The following TBX4 variants were observed in gnomAD, a reference collection of about 807,000 sequenced individuals.
The protein encoded by TBX4 is T-box transcription factor TBX4.
Under a neutral mutation model 54.6 loss-of-function variants are expected in TBX4, and 13 were observed. The ratio of observed to expected loss-of-function variants is 0.24; its 90% CI spans 0.15 to 0.38. The LOEUF (loss-of-function observed/expected upper bound fraction) is 0.38, where lower values mean the gene tolerates loss of function less well. Ranked by LOEUF, TBX4 falls within the 10% of genes least tolerant of loss-of-function variation. TBX4 has a pLI of 1.00. For missense variants in TBX4, 631 were observed against 728.5 expected (o/e 0.87, Z 1.54); for synonymous variants, 314 against 306.7 (o/e 1.02, Z -0.25).
In TBX4 at chr17:61,484,834, A is replaced by AACTT. The variant is rs979490383; in HGVS notation, c.*1320_*1323dup. ...CAGCTTTGCTTTCTACAAATGAATG[A>AACTT]ACTTAATAAAAATAAACGTTGGAGG... On this transcript the variant is annotated 3_prime_UTR_variant, in exon 9 of 9. Coordinates refer to ENST00000644296, the MANE Select transcript of TBX4 (RefSeq NM_001321120.2). The surrounding 1 kb of genome is among the most constrained non-coding windows in gnomAD (Gnocchi z 4.1). 6.7e-6 allele frequency: 1 copy of AACTT among 148,420 alleles called. No individual in the cohort carries two copies. The highest frequency in any genetic ancestry group is 2.4e-5 in the African/African-American group (1 of 40,878). The allele number at this position is 148,420 out of a possible 1,614,324, so 9.2% of individuals were successfully genotyped here.
rs1269373347 is a variant in TBX4 at position 61,465,195 on chromosome 17, G to A, written c.282-624G>A. On this transcript the variant is annotated intron_variant, in intron 3 of 8. Transcript: ENST00000644296. This position sits in a 1 kb window ranked among gnomAD's most constrained non-coding sequence, Gnocchi z 4.9. ...CTCAGGGTGCACAGGTCCAGGTGAG[G>A]TGTTCACAGGGAGAAGTACCCCCGA... 6.6e-6 allele frequency among the ~76,000 whole-genome samples: 1 copy of A among 152,142 alleles called. No individual in the cohort carries two copies. The highest frequency in any genetic ancestry group is 1.5e-5 in the Non-Finnish European group (1 of 68,026).
Position 61,485,084 on chromosome 17 carries a change from A to C in TBX4, c.*1568A>C, listed in dbSNP as rs2060694780. 6.6e-6 allele frequency: 1 copy of C among 152,108 alleles called. No individual in the cohort carries two copies. 9.4% of individuals were successfully genotyped at this position (152,108 alleles called of 1,614,324 possible). ...ATGGATGTTTTATTTTGCATATCGG[A>C]ACATAAAGCCATTTTACAACTGTGA... On this transcript the variant is annotated 3_prime_UTR_variant, in exon 9 of 9. Transcript: ENST00000644296. The surrounding 1 kb of genome is among the most constrained non-coding windows in gnomAD (Gnocchi z 4.6).
chr17:61,482,562 G>A (rs571283515), intron 8 of TBX4, among the ~76,000 whole-genome samples: 1 of 152,168 alleles, frequency 6.6e-6, no homozygotes, highest in Non-Finnish European at 1.5e-5. Flanking sequence ...GGAGGGCCTA[G>A]CCTGAGAATG....
Position 61,465,317 on chromosome 17 carries a change from C to T in TBX4, c.282-502C>T, listed in dbSNP as rs1271528231. ...TTAGGCCTAAGGATTTCCACAGAGG[C>T]ATGACCCAGAGGAGGCAGCTCATTA... On this transcript the variant is annotated intron_variant, in intron 3 of 8. Coordinates refer to ENST00000644296, the MANE Select transcript of TBX4 (RefSeq NM_001321120.2). This position sits in a 1 kb window ranked among gnomAD's most constrained non-coding sequence, Gnocchi z 4.9. Among the ~76,000 whole-genome samples the T allele has an allele frequency of 6.6e-6, 1 of 152,208 alleles. No homozygotes were observed. The highest frequency in any genetic ancestry group is 2.4e-5 in the African/African-American group (1 of 41,450).
chr17:61,452,936 G>T (rs1215825927), intron 1 of TBX4: 1 of 985,316 alleles, frequency 1.0e-6, no homozygotes, highest in Admixed American at 6.1e-5. Context: ...TGCAGAATAT[G>T]CAAGGCCAAG....
Position 61,457,925 on chromosome 17 carries a change from C to A in TBX4, c.281+294C>A, listed in dbSNP as rs2060465851. ...AGTCCCAGCTCCAGCACTTTTGGCC[C>A]CCTGGGGGGCTGCTTTGCCCTCCTC... On this transcript the variant is annotated intron_variant, in intron 3 of 8. Coordinates refer to ENST00000644296, the MANE Select transcript of TBX4 (RefSeq NM_001321120.2). The surrounding 1 kb of genome is among the most constrained non-coding windows in gnomAD (Gnocchi z 8.2). Among the ~76,000 whole-genome samples the A allele has an allele frequency of 1.3e-5, 2 of 152,214 alleles. No homozygotes were observed. Among genetic ancestry groups the A allele is most frequent in the African/African-American group, 4.8e-5 (2 of 41,456 alleles).
rs1396286785 is a variant in TBX4, at chr17:61,462,346, G to A, written c.282-3473G>A. On this transcript the variant is annotated intron_variant, in intron 3 of 8. Transcript: ENST00000644296. This position sits in a 1 kb window ranked among gnomAD's most constrained non-coding sequence, Gnocchi z 4.5. The stretch of plus-strand genomic sequence containing the variant: ...GCGGAGCCGTTTCCGCGTGTGCCGT[G>A]GGGAGGGCGGGGGAGCCCCCATCTG... Among the ~76,000 whole-genome samples, 2 of 152,166 alleles carry A rather than the reference G, an allele frequency of 1.3e-5. No individual in the cohort carries two copies. Among genetic ancestry groups the A allele is most frequent in the East Asian group, 1.9e-4 (1 of 5,174 alleles).
rs565106926 is a variant in TBX4 at position 61,475,881 on chromosome 17, C to T, written c.550-2746C>T. 1.3e-4 allele frequency among the ~76,000 whole-genome samples: 20 copies of T among 152,240 alleles called. No individual in the cohort carries two copies. The highest frequency in any genetic ancestry group is 2.6e-4 in the Non-Finnish European group (18 of 68,016). On this transcript the variant is annotated intron_variant, in intron 5 of 8. Transcript: ENST00000644296. This position sits in a 1 kb window ranked among gnomAD's most constrained non-coding sequence, Gnocchi z 5.0. ...CCTTCATGCCAAGGAGCTGGCACAT[C>T]GGGGAACTCATGGGAGATCATCTCT... is the stretch of plus-strand genomic sequence containing the variant.
Position 61,478,841 on chromosome 17 carries a change from C to G in TBX4, c.702+62C>G. The G allele has an allele frequency of 6.2e-7, 1 of 1,611,136 alleles. No individual in the cohort carries two copies. Among genetic ancestry groups the G allele is most frequent in the Non-Finnish European group, 8.5e-7 (1 of 1,177,390 alleles). On this transcript the variant is annotated intron_variant, in intron 6 of 8. Transcript: ENST00000644296. The surrounding 1 kb of genome is among the most constrained non-coding windows in gnomAD (Gnocchi z 7.4). ...AACACCACCCTGCGTTCTCTTCCAC[C>G]AGGCAGAGAGGCAGAGTGTGAAGCC...
Position 61,457,708 on chromosome 17 carries a change from T to C in TBX4, c.281+77T>C. 1 of 1,418,842 alleles carries C rather than the reference T, an allele frequency of 7.0e-7. No individual in the cohort carries two copies. Among genetic ancestry groups the C allele is most frequent in the Non-Finnish European group, 9.9e-7 (1 of 1,015,016 alleles). 87.9% of individuals were successfully genotyped at this position (1,418,842 alleles called of 1,614,324 possible). ...CCAGGGAGGTCCCTTAGAAGTCCTC[T>C]CGGCCCCGGCCTGGTGGCCTGTGGG... On this transcript the variant is annotated intron_variant, in intron 3 of 8. Transcript: ENST00000644296. The surrounding 1 kb of genome is among the most constrained non-coding windows in gnomAD (Gnocchi z 8.2).
In TBX4 at chr17:61,480,696, C is replaced by CTAT. The variant is rs2060657768; in HGVS notation, c.1021+378_1021+379insATT. 7.2e-6 allele frequency among the ~76,000 whole-genome samples: 1 copy of CTAT among 139,610 alleles called. No individual in the cohort carries two copies. The highest frequency in any genetic ancestry group is 6.9e-5 in the Admixed American group (1 of 14,552). The allele number at this position is 139,610 out of a possible 152,430, so 91.6% of individuals were successfully genotyped here. A position where few individuals can be genotyped will look rare whatever the true frequency, so the allele number is the denominator to read the frequency against. On this transcript the variant is annotated intron_variant, in intron 8 of 8. Coordinates refer to ENST00000644296, the MANE Select transcript of TBX4 (RefSeq NM_001321120.2). This position sits in a 1 kb window ranked among gnomAD's most constrained non-coding sequence, Gnocchi z 6.2. Reference sequence around the variant, plus strand: ...CAGTCCAGAGGTTTTGGGATTGGGGCTGTTGTTTGTCAAAGCAACCTCAAT... The same window carrying CTAT: ...CAGTCCAGAGGTTTTGGGATTGGGGCTATTGTTGTTTGTCAAAGCAACCTCAAT...
Position 61,476,551 on chromosome 17 carries a change from G to A in TBX4, c.550-2076G>A, listed in dbSNP as rs903013886. ...GTGTTTTCCAGGCCCAGTTCCTCTC[G>A]CCACAGGAGCATCCCCAGCGTCCTG... On this transcript the variant is annotated intron_variant, in intron 5 of 8. Coordinates refer to ENST00000644296, the MANE Select transcript of TBX4 (RefSeq NM_001321120.2). This position sits in a 1 kb window ranked among gnomAD's most constrained non-coding sequence, Gnocchi z 6.5. Among the ~76,000 whole-genome samples the A allele has an allele frequency of 9.9e-5, 15 of 152,284 alleles. 1 individual carries two copies. The highest frequency in any genetic ancestry group is 7.2e-4 in the Admixed American group (11 of 15,302).
Position 61,452,978 on chromosome 17 carries a change from G to A in TBX4, c.-4+401G>A, listed in dbSNP as rs562518594. ...GGCCCCGGTACTGGAGCGAAAATCC[G>A]TGTAGATATGTGAGTGATCAGAACA... On this transcript the variant is annotated intron_variant, in intron 1 of 8. Transcript: ENST00000644296. 4 of 985,424 alleles carry A rather than the reference G, an allele frequency of 4.1e-6. No individual in the cohort carries two copies. The Admixed American group carries it at 1.8e-4, about 45-fold the overall frequency. 61.0% of individuals were successfully genotyped at this position (985,424 alleles called of 1,614,324 possible).
rs2060517321 is a variant in TBX4, at chr17:61,464,010, GT to G, written c.282-1807del. Among the ~76,000 whole-genome samples, 1 of 152,182 alleles carries G rather than the reference GT, an allele frequency of 6.6e-6. No homozygotes were observed. The highest frequency in any genetic ancestry group is 2.4e-5 in the African/African-American group (1 of 41,442). ...GCTGGTAAGCAGGAGGCAGGGTTGGGTTCCTGAGCCCCTCACTTCCCCCATT... is the reference window on the plus strand; with the variant it reads ...GCTGGTAAGCAGGAGGCAGGGTTGGGTCCTGAGCCCCTCACTTCCCCCATT... On this transcript the variant is annotated intron_variant, in intron 3 of 8. Coordinates refer to ENST00000644296, the MANE Select transcript of TBX4 (RefSeq NM_001321120.2). The surrounding 1 kb of genome is among the most constrained non-coding windows in gnomAD (Gnocchi z 5.8).
chr17:61,464,603 G>A lies in TBX4; in HGVS notation c.282-1216G>A, dbSNP rs1419892508. 1.3e-5 allele frequency among the ~76,000 whole-genome samples: 2 copies of A among 152,198 alleles called. No homozygotes were observed. The highest frequency in any genetic ancestry group is 2.9e-5 in the Non-Finnish European group (2 of 68,040). ...GCTTAGTGTCTTCACTGTGTCTTCA[G>A]CTAGGTTTGGATCCTGTTTCTCTTG... is the stretch of plus-strand genomic sequence containing the variant. On this transcript the variant is annotated intron_variant, in intron 3 of 8. Coordinates refer to ENST00000644296, the MANE Select transcript of TBX4 (RefSeq NM_001321120.2). This position sits in a 1 kb window ranked among gnomAD's most constrained non-coding sequence, Gnocchi z 5.8.
rs953059892 is a variant in TBX4 at position 61,474,110 on chromosome 17, T to C, written c.550-4517T>C. Among the ~76,000 whole-genome samples, 4 of 152,170 alleles carry C rather than the reference T, an allele frequency of 2.6e-5. No homozygotes were observed. Among genetic ancestry groups the C allele is most frequent in the Non-Finnish European group, 5.9e-5 (4 of 68,014 alleles). On this transcript the variant is annotated intron_variant, in intron 5 of 8. Transcript: ENST00000644296. The surrounding 1 kb of genome is among the most constrained non-coding windows in gnomAD (Gnocchi z 4.6). ...GATCCTGTCACTGTCCTAACCTCTT[T>C]GTAGGGCTGGGGAGGATCAGAAGGA... is the stretch of plus-strand genomic sequence containing the variant.
intron 3 of TBX4, among the ~76,000 whole-genome samples, chr17:61,458,453 A>C (rs1489533454): frequency 6.6e-6 from 1 of 151,770 alleles, no homozygotes; most frequent in East Asian, 1.9e-4. Context: ...TCCCCTGCAC[A>C]TACACACACT....
At position 61,462,399 on chromosome 17, in the gene TBX4, G is replaced by T. The variant is rs2060501640; in HGVS notation, c.282-3420G>T. ...TGGGGGCGCGGGAGCCCGACGGCGC[G>T]AGGGGAACTGGGGGAGCATGGAGAG... is the stretch of plus-strand genomic sequence containing the variant. On this transcript the variant is annotated intron_variant, in intron 3 of 8. Transcript: ENST00000644296. This position sits in a 1 kb window ranked among gnomAD's most constrained non-coding sequence, Gnocchi z 4.5. Among the ~76,000 whole-genome samples the T allele has an allele frequency of 6.6e-6, 1 of 152,160 alleles. No homozygotes were observed. The highest frequency in any genetic ancestry group is 1.5e-5 in the Non-Finnish European group (1 of 68,028).
At position 61,475,490 on chromosome 17, in the gene TBX4, G is replaced by A; in HGVS notation, c.550-3137G>A. Among the ~76,000 whole-genome samples, 1 of 152,208 alleles carries A rather than the reference G, an allele frequency of 6.6e-6. No individual in the cohort carries two copies. Among genetic ancestry groups the A allele is most frequent in the East Asian group, 1.9e-4 (1 of 5,194 alleles). On this transcript the variant is annotated intron_variant, in intron 5 of 8. Coordinates refer to ENST00000644296, the MANE Select transcript of TBX4 (RefSeq NM_001321120.2). The surrounding 1 kb of genome is among the most constrained non-coding windows in gnomAD (Gnocchi z 5.0). ...AATGGAGAGAAAGTAGATGGAGGTA[G>A]GGGGAGGCTGTCCTAGCAGCCCAGC...
Sources: allele counts gnomAD v4.1 joint callset (sites outside exome capture counted in the v4.1 genomes callset), GRCh38; gene constraint gnomAD v4.1.1; non-coding constraint Gnocchi (gnomAD v3.1); transcripts MANE v1.5; gene names NCBI Gene and HGNC (gene_info 2026-07-23, HGNC 2026-07-21).